The following PDPR variants were observed in gnomAD, a reference collection of about 807,000 sequenced individuals.
The protein encoded by PDPR is pyruvate dehydrogenase phosphatase regulatory subunit, mitochondrial.
In PDPR, 50 loss-of-function variants were observed where a neutral mutation model predicts 102.2. That is an observed-to-expected ratio of 0.49 (90% confidence interval 0.39 to 0.62). The LOEUF is 0.62. Ranked by LOEUF, PDPR falls within the 20% of genes least tolerant of loss-of-function variation. The probability of loss-of-function intolerance (pLI) is 0.00; values close to 1 mark genes in which losing one functional copy is unlikely to be tolerated. For synonymous variants in PDPR, 259 were observed against 406.0 expected, an observed-to-expected ratio of 0.64 and a Z score of 4.35; for missense variants, 625 against 1,098.2, an observed-to-expected ratio of 0.57 and a Z score of 6.09.
intron 11 of PDPR, among the ~76,000 whole-genome samples, chr16:70,141,535 TGAA>T (rs72232114): frequency 0.13 from 19,002 of 142,662 alleles, 2 homozygotes; most frequent in African/African-American, 0.14. Context: ...ACAGGCACAA[TGAA>T]GAATCGAATG....
intron 9 of PDPR, among the ~76,000 whole-genome samples, chr16:70,133,434 T>TTTTTTTTTTTTTTTTG (rs3972154): frequency 2.8e-5 from 4 of 143,692 alleles, no homozygotes; most frequent in South Asian, 2.3e-4. Flanking sequence ...TTTTTTTTTT[T>TTTTTTTTTTTTTTTTG]GAGATAAGAG....
At chr16:70,149,800 C>CTTTTTTTTT (rs548680781) in intron 17 of PDPR, among the ~76,000 whole-genome samples, 160 of 152,066 alleles carry the variant, frequency 1.1e-3, no homozygotes, top group African/African-American at 3.6e-3. Context: ...TCTCCAGAAC[C>CTTTTTTTTT]TTTTTTTTGA....
At chr16:70,155,077 A>G (rs1332871025) in intron 18 of PDPR, among the ~76,000 whole-genome samples, 1 of 152,172 alleles carries the variant, frequency 6.6e-6, no homozygotes, top group Non-Finnish European at 1.5e-5. Flanking sequence ...CTGTAATCCC[A>G]GCTACTCGGT....
intron 4 of PDPR, 46 bp downstream of exon 4, chr16:70,127,439 G>A (rs753955363): frequency 1.2e-5 from 19 of 1,587,372 alleles, no homozygotes; most frequent in Non-Finnish European, 1.5e-5. Flanking sequence ...CCCTGAGATT[G>A]TTATATTCAT....
At chr16:70,138,461 T>C (rs1365231395) in intron 10 of PDPR, among the ~76,000 whole-genome samples, 1 of 152,176 alleles carries the variant, frequency 6.6e-6, no homozygotes, top group East Asian at 1.9e-4. Context: ...AAGTGATCCG[T>C]CTGCCTCGGC....
At chr16:70,127,118 G>C (rs1276326551) in intron 3 of PDPR, 142 bp from the exon 4 acceptor site, 9 of 1,496,696 alleles carry the variant, frequency 6.0e-6, no homozygotes, top group Non-Finnish European at 8.0e-6. Flanking sequence ...GCCTCCTAAA[G>C]TGCTGGGATT....
At chr16:70,151,390 C>CT (rs1966729662) in intron 17 of PDPR, among the ~76,000 whole-genome samples, 1 of 152,284 alleles carries the variant, frequency 6.6e-6, no homozygotes, top group Non-Finnish European at 1.5e-5. Context: ...ATTTGAGCCA[C>CT]TGTGCCCAAC....
intron 17 of PDPR, among the ~76,000 whole-genome samples, chr16:70,150,069 G>A (rs1267665640): frequency 6.6e-6 from 1 of 150,614 alleles, no homozygotes; most frequent in Non-Finnish European, 1.5e-5. Context: ...GATTAGAAGC[G>A]TGAGCCACCG....
rs1053787027 is a variant in PDPR, at chr16:70,156,391, C to T, written c.2236-84C>T. 10 of 1,522,918 alleles carry T rather than the reference C, an allele frequency of 6.6e-6. No homozygotes were observed. In the African/African-American group the frequency reaches 1.2e-4, roughly 19 times the overall value. The allele number at this position is 1,522,918 out of a possible 1,614,324, so 94.3% of individuals were successfully genotyped here. A position where few individuals can be genotyped will look rare whatever the true frequency, so the allele number is the denominator to read the frequency against. ...GCGGCTGTGCCCCATTGCAGTGACA[C>T]CAGGGGACCCTTCCCACGGTGCTGC... is the stretch of plus-strand genomic sequence containing the variant. On this transcript the variant is annotated intron_variant, in intron 18 of 18. Transcript: ENST00000288050.
In PDPR at chr16:70,119,331, C is replaced by T. The variant is rs560421545; in HGVS notation, c.-32-1130C>T. On this transcript the variant is annotated intron_variant, in intron 2 of 18. Coordinates refer to ENST00000288050, the MANE Select transcript of PDPR (RefSeq NM_017990.5). Reference sequence around the variant, plus strand: ...CAGACTGACCTTTGGAAAACATCCCCCAACCCCCCACCGCCAAAAAAAACA... The same window carrying T: ...CAGACTGACCTTTGGAAAACATCCCTCAACCCCCCACCGCCAAAAAAAACA... Among the ~76,000 whole-genome samples the T allele has an allele frequency of 8.3e-4, 127 of 152,152 alleles. 1 individual carries two copies. Among genetic ancestry groups the T allele is most frequent in the Middle Eastern group, 3.4e-3 (1 of 294 alleles).
At chr16:70,147,914 C>T (rs946103130) in intron 16 of PDPR, among the ~76,000 whole-genome samples, 4 of 152,222 alleles carry the variant, frequency 2.6e-5, no homozygotes, top group African/African-American at 9.6e-5. Flanking sequence ...TCGGTGCTGT[C>T]CAGGACTTTC....
At chr16:70,153,326 C>T (rs1271712825) in intron 17 of PDPR, 65 bp from the exon 18 acceptor site, 1 of 1,510,142 alleles carries the variant, frequency 6.6e-7, no homozygotes, top group East Asian at 2.3e-5. Flanking sequence ...ATCAGCGCTT[C>T]CAGACATGCT....
chr16:70,152,340 G>T (rs890953422), intron 17 of PDPR, among the ~76,000 whole-genome samples: 1 of 152,388 alleles, frequency 6.6e-6, no homozygotes, highest in Non-Finnish European at 1.5e-5. Context: ...TCAACATGGC[G>T]AAACCTCGTC....
At chr16:70,131,507 G>C in intron 8 of PDPR, 88 bp downstream of exon 8, 2 of 1,310,378 alleles carry the variant, frequency 1.5e-6, no homozygotes, top group Non-Finnish European at 2.1e-6. Flanking sequence ...AGGACAGCCT[G>C]TGTCTGAAAG....
chr16:70,138,207 A>ATTTTTTTTTTTT lies in PDPR; in HGVS notation c.1191-675_1191-664dup, dbSNP rs1201065640. On this transcript the variant is annotated intron_variant, in intron 10 of 18. Transcript: ENST00000288050. ...CAGGCATGTGCCACCACGCCGGCTA[A>ATTTTTTTTTTTT]TTTTTTTTTTTTTTTTTTTTTTTTT... Among the ~76,000 whole-genome samples, 753 of 93,918 alleles carry ATTTTTTTTTTTT rather than the reference A, an allele frequency of 8.0e-3. 7 individuals are homozygous for ATTTTTTTTTTTT. The highest frequency in any genetic ancestry group is 0.011 in the Non-Finnish European group (577 of 50,820). 61.6% of individuals were successfully genotyped at this position (93,918 alleles called of 152,430 possible). A position where few individuals can be genotyped will look rare whatever the true frequency, so the allele number is the denominator to read the frequency against.
At position 70,126,419 on chromosome 16, in the gene PDPR, C is replaced by T. The variant is rs1436364684; in HGVS notation, c.228-841C>T. Among the ~76,000 whole-genome samples the T allele has an allele frequency of 5.9e-5, 9 of 152,338 alleles. No homozygotes were observed. In the South Asian group the frequency reaches 6.2e-4, roughly 11 times the overall value. On this transcript the variant is annotated intron_variant, in intron 3 of 18. Transcript: ENST00000288050. ...CGCTCTGTCACCCAGGCTGGAACGC[C>T]GTGGCACAGTCTTGACTCACTGCAA...
Position 70,128,646 on chromosome 16 carries a change from T to A in PDPR, c.362-138T>A. ...ATTTTGCATAGAAGCTCAGAGAAGC[T>A]GATTTACCTGCCCAAGGATATTGAG... On this transcript the variant is annotated intron_variant, in intron 4 of 18. Transcript: ENST00000288050. 2.0e-6 allele frequency: 3 copies of A among 1,508,210 alleles called. No individual in the cohort carries two copies. In the East Asian group the frequency reaches 7.4e-5, roughly 37 times the overall value. The allele number at this position is 1,508,210 out of a possible 1,614,324, so 93.4% of individuals were successfully genotyped here. A position where few individuals can be genotyped will look rare whatever the true frequency, so the allele number is the denominator to read the frequency against.
At chr16:70,119,046 C>T (rs180898122) in intron 2 of PDPR, among the ~76,000 whole-genome samples, 7 of 152,164 alleles carry the variant, frequency 4.6e-5, no homozygotes, top group Admixed American at 1.3e-4. Flanking sequence ...TCTACCGCCT[C>T]TCGTCTCAAA....
intron 3 of PDPR, among the ~76,000 whole-genome samples, chr16:70,124,213 A>C (rs1429271671): frequency 6.6e-6 from 1 of 152,228 alleles, no homozygotes; most frequent in Non-Finnish European, 1.5e-5. Context: ...AAATGCAAAA[A>C]TTAGCTGGGC....
Sources: allele counts gnomAD v4.1 joint callset (sites outside exome capture counted in the v4.1 genomes callset), GRCh38; gene constraint gnomAD v4.1.1; transcripts MANE v1.5; gene names NCBI Gene and HGNC (gene_info 2026-07-23, HGNC 2026-07-21).